CPNE4: variants seen among roughly 807,000 people sequenced by gnomAD.
CPNE4 encodes the protein copine-4.
In CPNE4, 25 loss-of-function variants were observed where a neutral mutation model predicts 67.9. The ratio of observed to expected loss-of-function variants is 0.37; its 90% CI spans 0.27 to 0.51. The LOEUF is 0.51. Among genes scored for constraint, CPNE4 ranks in the 20% least tolerant of loss-of-function variants. The pLI is 0.93. For missense variants in CPNE4, 464 were observed against 690.8 expected, an observed-to-expected ratio of 0.67 and a Z score of 3.68; for synonymous variants, 242 against 244.9, an observed-to-expected ratio of 0.99 and a Z score of 0.11.
At chr3:131,624,245 C>T (rs979932880) in intron 7 of CPNE4, among the ~76,000 whole-genome samples, 2 of 152,208 alleles carry the variant, frequency 1.3e-5, no homozygotes, top group African/African-American at 4.8e-5. Context: ...GACCCTGGCT[C>T]TCTTCCTTGT....
intron 3 of CPNE4, among the ~76,000 whole-genome samples, chr3:131,712,687 A>G (rs1285675060): frequency 6.6e-6 from 1 of 152,236 alleles, no homozygotes; most frequent in Non-Finnish European, 1.5e-5. Flanking sequence ...CGTTTGCCAT[A>G]CTATGAATTC....
intron 2 of CPNE4, among the ~76,000 whole-genome samples, chr3:131,794,513 G>A (rs1221258027): frequency 6.6e-6 from 1 of 152,168 alleles, no homozygotes; most frequent in African/African-American, 2.4e-5. Flanking sequence ...AAAGTGCTGG[G>A]ATTACTGGCG....
intron 7 of CPNE4, among the ~76,000 whole-genome samples, chr3:131,657,777 G>A (rs920330002): frequency 6.6e-6 from 1 of 151,552 alleles, no homozygotes; most frequent in Non-Finnish European, 1.5e-5. Flanking sequence ...TGTTGGCTAG[G>A]ATTGTCTTAA....
At chr3:131,564,119 A>G in intron 11 of CPNE4, 97 bp downstream of exon 11, 1 of 1,422,506 alleles carries the variant, frequency 7.0e-7, no homozygotes, top group Non-Finnish European at 9.9e-7. Flanking sequence ...ATAAGGAGCT[A>G]CTAGACTTAA....
intron 1 of CPNE4, among the ~76,000 whole-genome samples, chr3:131,981,050 A>G (rs1247492569): frequency 6.6e-6 from 1 of 151,940 alleles, no homozygotes; most frequent in Non-Finnish European, 1.5e-5. Context: ...TGAACCGTCT[A>G]TGGGTCTCTC....
intron 2 of CPNE4, among the ~76,000 whole-genome samples, chr3:131,774,752 C>T (rs575869074): frequency 6.6e-5 from 10 of 152,238 alleles, no homozygotes; most frequent in Admixed American, 1.3e-4. Flanking sequence ...CCCTGCCTCT[C>T]GTCCACTATC....
chr3:132,039,283 T>C (rs997579628), upstream of CPNE4, among the ~76,000 whole-genome samples: 1 of 152,218 alleles, frequency 6.6e-6, no homozygotes, highest in Admixed American at 6.5e-5. Context: ...CTTCCTTTCT[T>C]TCTACCTGAA....
chr3:131,939,979 C>G (rs983718815), intron 1 of CPNE4, among the ~76,000 whole-genome samples: 1 of 152,106 alleles, frequency 6.6e-6, no homozygotes, highest in Non-Finnish European at 1.5e-5. Context: ...CACAGCCAGA[C>G]AAGTAACAAA....
chr3:131,916,332 T>C (rs2107799253), intron 1 of CPNE4, among the ~76,000 whole-genome samples: 1 of 142,760 alleles, frequency 7.0e-6, no homozygotes, highest in African/African-American at 2.6e-5. Flanking sequence ...AACGTGGATT[T>C]TGTGTTTCCA....
At chr3:131,760,106 A>G (rs1251855784) in intron 2 of CPNE4, among the ~76,000 whole-genome samples, 1 of 152,184 alleles carries the variant, frequency 6.6e-6, no homozygotes, top group Admixed American at 6.6e-5. Context: ...AATAGTGTGG[A>G]TTTTTTAAAA....
chr3:131,609,860 G>A (rs773564683), intron 7 of CPNE4, among the ~76,000 whole-genome samples: 1 of 152,030 alleles, frequency 6.6e-6, no homozygotes. Flanking sequence ...TCCAGACCAG[G>A]AGTTTTATTA....
chr3:131,827,906 T>G (rs749070202), intron 2 of CPNE4, among the ~76,000 whole-genome samples: 1 of 151,980 alleles, frequency 6.6e-6, no homozygotes, highest in Non-Finnish European at 1.5e-5. Context: ...CCTGACAGAT[T>G]CTTAAAAAAT....
chr3:131,792,637 G>GTGTGTATA (rs2083767460), intron 2 of CPNE4, among the ~76,000 whole-genome samples: 1 of 68,552 alleles, frequency 1.5e-5, no homozygotes, highest in Non-Finnish European at 2.7e-5. Flanking sequence ...ATATACACAC[G>GTGTGTATA]TGTATATATG....
intron 2 of CPNE4, among the ~76,000 whole-genome samples, chr3:131,805,983 A>G (rs1432146935): frequency 6.6e-6 from 1 of 152,242 alleles, no homozygotes; most frequent in East Asian, 1.9e-4. Context: ...GTACATATAA[A>G]TAATCGGAAA....
intron 8 of CPNE4, among the ~76,000 whole-genome samples, chr3:131,584,990 A>G (rs1938083161): frequency 6.6e-6 from 1 of 152,132 alleles, no homozygotes; most frequent in Non-Finnish European, 1.5e-5. Context: ...TCTGCTTCAG[A>G]TACACTGGTC....
At chr3:131,574,360 C>T (rs1937488883) in intron 10 of CPNE4, among the ~76,000 whole-genome samples, 1 of 152,074 alleles carries the variant, frequency 6.6e-6, no homozygotes, top group Non-Finnish European at 1.5e-5. Context: ...AATATTAAGT[C>T]AGTGAAAGTC....
chr3:131,733,812 A>G (rs2082179134), intron 2 of CPNE4, among the ~76,000 whole-genome samples: 1 of 152,172 alleles, frequency 6.6e-6, no homozygotes, highest in African/African-American at 2.4e-5. Flanking sequence ...GGAGTCCTCC[A>G]GAGAGGTCAC....
chr3:131,577,860 C>G lies in CPNE4; in HGVS notation c.868-2730G>C, dbSNP rs76586572. On this transcript the variant is annotated intron_variant, in intron 9 of 15. Coordinates refer to ENST00000429747, the MANE Select transcript of CPNE4 (RefSeq NM_130808.3). ...TAATCTTATGGGAGTACTGTCATAT[C>G]GGTGGTCCATCATTGACAAAATGTT... Among the ~76,000 whole-genome samples the G allele has an allele frequency of 5.4e-3, 829 of 152,160 alleles. 7 individuals carry two copies. The highest frequency in any genetic ancestry group is 0.018 in the African/African-American group (766 of 41,502).
At chr3:131,552,390 C>T (rs771941436) in intron 13 of CPNE4, 50 bp downstream of exon 13, 4 of 1,501,828 alleles carry the variant, frequency 2.7e-6, no homozygotes, top group Non-Finnish European at 2.8e-6. Context: ...AATGGGAAAG[C>T]TGCAAAGGGA....
Sources: allele counts gnomAD v4.1 joint callset (sites outside exome capture counted in the v4.1 genomes callset), GRCh38; gene constraint gnomAD v4.1.1; transcripts MANE v1.5; gene names NCBI Gene and HGNC (gene_info 2026-07-23, HGNC 2026-07-21).